RNF128: variants seen among roughly 807,000 people sequenced by gnomAD.
The protein encoded by RNF128 is ring finger protein 128, also known as E3 ubiquitin-protein ligase RNF128.
Under a neutral mutation model 26.2 loss-of-function variants are expected in RNF128, and 13 were observed. The observed-to-expected ratio is 0.50, with a 90% confidence interval of 0.32 to 0.79. The LOEUF (loss-of-function observed/expected upper bound fraction) is 0.79. Ranked by LOEUF, RNF128 falls within the 30% of genes least tolerant of loss-of-function variation. The pLI is 0.03. For missense variants in RNF128, 315 were observed against 349.7 expected (o/e 0.90, Z 0.79); for synonymous variants, 149 against 142.5 (o/e 1.05, Z -0.32).
At chrX:106,704,382 G>A (rs779300758) in intron 1 of RNF128, among the ~76,000 whole-genome samples, 7 of 100,646 alleles carry the variant, frequency 7.0e-5, no homozygotes, top group African/African-American at 2.6e-4. Context: ...GCAGTGAGCT[G>A]AGATCGCGCC....
At chrX:106,794,153 ATTGAG>A (rs1388556194) in intron 6 of RNF128, among the ~76,000 whole-genome samples, 2 of 110,582 alleles carry the variant, frequency 1.8e-5, no homozygotes, top group East Asian at 5.7e-4. Flanking sequence ...CCATTTATTT[ATTGAG>A]TTATTTATTT....
At chrX:106,737,819 ATTCT>A (rs1175458727) in intron 1 of RNF128, among the ~76,000 whole-genome samples, 1 of 112,015 alleles carries the variant, frequency 8.9e-6, no homozygotes, top group Admixed American at 9.5e-5. Context: ...TTTCAATCAA[ATTCT>A]TTCATCACCA....
intron 1 of RNF128, chrX:106,694,544 T>C: frequency 5.7e-6 from 2 of 351,700 alleles, no homozygotes; most frequent in Non-Finnish European, 9.6e-6. Flanking sequence ...TGGCACAACT[T>C]GTAATTACTT....
intron 1 of RNF128, among the ~76,000 whole-genome samples, chrX:106,735,879 T>C (rs1190036777): frequency 9.0e-6 from 1 of 110,832 alleles, no homozygotes; most frequent in African/African-American, 3.3e-5. Context: ...TCTTTACCCA[T>C]TGTATCACTA....
intron 1 of RNF128, among the ~76,000 whole-genome samples, chrX:106,698,761 T>C (rs1928909763): frequency 9.0e-6 from 1 of 111,350 alleles, no homozygotes; most frequent in Admixed American, 9.6e-5. Flanking sequence ...ATAAATCTCA[T>C]TCTGTTTAAA....
At chrX:106,717,075 C>A (rs1049047685) in intron 1 of RNF128, among the ~76,000 whole-genome samples, 1 of 109,752 alleles carries the variant, frequency 9.1e-6, no homozygotes, top group Non-Finnish European at 1.9e-5. Flanking sequence ...TGGTGGCGGG[C>A]GCCTGTAGTC....
chrX:106,787,527 C>T (rs765594791), intron 3 of RNF128, among the ~76,000 whole-genome samples: 4 of 110,473 alleles, frequency 3.6e-5, no homozygotes, highest in Admixed American at 1.9e-4. Context: ...GATTAAGTGA[C>T]GACATATTTT....
chrX:106,738,565 A>G (rs143074557), intron 1 of RNF128, among the ~76,000 whole-genome samples: 210 of 111,933 alleles, frequency 1.9e-3, no homozygotes, highest in Non-Finnish European at 3.3e-3. Flanking sequence ...TCCCTGGTGT[A>G]TTTCCATTTT....
intron 3 of RNF128, among the ~76,000 whole-genome samples, chrX:106,787,545 G>A (rs1181248557): frequency 1.8e-5 from 2 of 110,801 alleles, no homozygotes; most frequent in African/African-American, 3.3e-5. Context: ...TTTTCAAAAC[G>A]TGCAGAACTG....
chrX:106,743,128 A>G (rs1420193764), intron 1 of RNF128, among the ~76,000 whole-genome samples: 1 of 111,690 alleles, frequency 9.0e-6, no homozygotes, highest in Non-Finnish European at 1.9e-5. Flanking sequence ...AGTTATTCAG[A>G]CTTCAGTCCT....
intron 2 of RNF128, among the ~76,000 whole-genome samples, chrX:106,773,727 T>A (rs1930417393): frequency 9.0e-6 from 1 of 110,995 alleles, no homozygotes; most frequent in Non-Finnish European, 1.9e-5. Context: ...TACCATATTA[T>A]AACAGTGTAT....
intron 1 of RNF128, among the ~76,000 whole-genome samples, chrX:106,708,575 T>TAA (rs1435352848): frequency 8.9e-6 from 1 of 111,999 alleles, no homozygotes; most frequent in African/African-American, 3.2e-5. Context: ...AGTGAGGAGA[T>TAA]TATTAAGTGC....
At chrX:106,789,741 TC>T (rs1330128274) in intron 4 of RNF128, among the ~76,000 whole-genome samples, 2 of 108,747 alleles carry the variant, frequency 1.8e-5, no homozygotes, top group Non-Finnish European at 3.8e-5. Flanking sequence ...TAACACTACT[TC>T]TTTTAGCTAT....
At position 106,726,802 on chromosome X, in the gene RNF128, G is replaced by C; in HGVS notation, c.-112G>C. The C allele has an allele frequency of 9.2e-7, 1 of 1,082,597 alleles. No individual in the cohort carries two copies. Among genetic ancestry groups the C allele is most frequent in the Non-Finnish European group, 1.2e-6 (1 of 839,448 alleles). 89.2% of individuals were successfully genotyped at this position (1,082,597 alleles called of 1,213,427 possible). ...CTCCGACGTAGCTCGCAGCTCCCCA[G>C]TCTCACTCCATTCCTTCCCCACCTG... On this transcript the variant is annotated 5_prime_UTR_variant, in exon 1 of 7. Coordinates refer to ENST00000255499, the MANE Select transcript of RNF128 (RefSeq NM_194463.2).
At chrX:106,716,002 ACTC>A (rs1446875623) in intron 1 of RNF128, among the ~76,000 whole-genome samples, 8 of 110,156 alleles carry the variant, frequency 7.3e-5, no homozygotes, top group African/African-American at 2.0e-4. Flanking sequence ...ATCTCCCACT[ACTC>A]CTCCTCTGTA....
chrX:106,785,926 A>G (rs182308626), intron 3 of RNF128, among the ~76,000 whole-genome samples: 1 of 111,896 alleles, frequency 8.9e-6, no homozygotes, highest in Non-Finnish European at 1.9e-5. Context: ...ATCAAAGAAG[A>G]TCTAAATAAA....
chrX:106,788,967 CAT>C (rs1491577521), intron 4 of RNF128, among the ~76,000 whole-genome samples: 20 of 73,712 alleles, frequency 2.7e-4, no homozygotes, highest in East Asian at 1.7e-3. Flanking sequence ...TGTACATGTA[CAT>C]ATATATACTA....
chrX:106,734,679 A>G (rs996864886), intron 1 of RNF128, among the ~76,000 whole-genome samples: 8 of 112,154 alleles, frequency 7.1e-5, no homozygotes, highest in South Asian at 3.7e-4. Context: ...AAATTTCACA[A>G]TTGAGCACAC....
intron 2 of RNF128, among the ~76,000 whole-genome samples, chrX:106,783,222 A>C (rs1930594139): frequency 1.8e-5 from 2 of 111,646 alleles, no homozygotes; most frequent in Admixed American, 1.9e-4. Context: ...TATCTTCCAC[A>C]AAATGATATC....
Sources: gnomAD v4.1 joint callset for allele counts (sites outside exome capture counted in the v4.1 genomes callset) on GRCh38, gnomAD v4.1.1 for gene constraint, MANE v1.5 for transcripts, NCBI Gene and HGNC (gene_info 2026-07-23, HGNC 2026-07-21) for gene names.